Variants in MYT1L observed in about 807,000 individuals in gnomAD.
The protein encoded by MYT1L is myelin transcription factor 1 like.
In MYT1L, 12 loss-of-function variants were observed where a neutral mutation model predicts 126.7. That is an observed-to-expected ratio of 0.09 (90% CI 0.06 to 0.15). The LOEUF is 0.15. Ranked by LOEUF, MYT1L falls within the 10% of genes least tolerant of loss-of-function variation. MYT1L has a pLI of 1.00. For synonymous variants in MYT1L, 541 were observed against 604.2 expected (o/e 0.90, Z 1.53); for missense variants, 979 against 1,585.2 (o/e 0.62, Z 6.49).
At chr2:1,831,637 A>G (rs940314716) in intron 21 of MYT1L, among the ~76,000 whole-genome samples, 4 of 152,154 alleles carry the variant, frequency 2.6e-5, no homozygotes, top group Non-Finnish European at 4.4e-5. Flanking sequence ...CAATGCCCCA[A>G]ATGAGCCCAG....
chr2:2,208,279 ACT>A (rs761109445), intron 2 of MYT1L, among the ~76,000 whole-genome samples: 79 of 152,062 alleles, frequency 5.2e-4, no homozygotes, highest in Admixed American at 1.3e-4. Context: ...GGCTTGTGAT[ACT>A]CTGTTTTAAA....
At chr2:1,851,519 C>T (rs1189817240) in intron 19 of MYT1L, 122 bp downstream of exon 19, 4 of 899,332 alleles carry the variant, frequency 4.4e-6, no homozygotes, top group Non-Finnish European at 7.2e-6. Context: ...CTAAGAGTCT[C>T]TAGATCCTTA....
At chr2:1,855,563 C>T (rs2043810488) in intron 18 of MYT1L, among the ~76,000 whole-genome samples, 2 of 152,226 alleles carry the variant, frequency 1.3e-5, no homozygotes, top group South Asian at 2.1e-4. Context: ...CCTAGCGCCC[C>T]GCCTGCTTTC....
intron 4 of MYT1L, among the ~76,000 whole-genome samples, chr2:2,014,593 T>C (rs1050177839): frequency 2.6e-5 from 4 of 152,222 alleles, no homozygotes; most frequent in Non-Finnish European, 5.9e-5. Context: ...AGCTCCAGCA[T>C]CTGTGTCTGG....
intron 3 of MYT1L, among the ~76,000 whole-genome samples, chr2:2,112,849 T>C (rs2079638395): frequency 6.6e-6 from 1 of 152,246 alleles, no homozygotes; most frequent in Non-Finnish European, 1.5e-5. Context: ...CTCTGAACCA[T>C]GCAGCCTCCC....
chr2:1,857,213 C>A (rs191116627), intron 18 of MYT1L, among the ~76,000 whole-genome samples: 138 of 152,358 alleles, frequency 9.1e-4, no homozygotes, highest in African/African-American at 2.5e-3. Context: ...CCACCATCAT[C>A]TATCTCCAAA....
intron 3 of MYT1L, among the ~76,000 whole-genome samples, chr2:2,125,765 AAGAGT>A (rs746623518): frequency 3.9e-4 from 60 of 152,356 alleles, no homozygotes; most frequent in African/African-American, 9.6e-4. Context: ...AATGAAAGGA[AAGAGT>A]AGAGAATGAA....
At chr2:2,082,683 T>G (rs1406893916) in intron 3 of MYT1L, among the ~76,000 whole-genome samples, 4 of 152,242 alleles carry the variant, frequency 2.6e-5, no homozygotes, top group Admixed American at 1.3e-4. Context: ...TTTATCATAA[T>G]GCTGTTCACA....
At chr2:1,845,313 G>A (rs745499418) in intron 19 of MYT1L, among the ~76,000 whole-genome samples, 3 of 152,040 alleles carry the variant, frequency 2.0e-5, no homozygotes, top group Non-Finnish European at 4.4e-5. Flanking sequence ...TTTTCTTTTC[G>A]TGAATGAGTT....
chr2:1,964,244 C>T (rs540690071), intron 8 of MYT1L, among the ~76,000 whole-genome samples: 1 of 152,312 alleles, frequency 6.6e-6, no homozygotes, highest in South Asian at 2.1e-4. Flanking sequence ...CTGTCTTACA[C>T]GGGCGCGGTT....
At chr2:2,115,283 G>A (rs75762664) in intron 3 of MYT1L, among the ~76,000 whole-genome samples, 2,301 of 152,346 alleles carry the variant, frequency 0.015, 52 homozygotes, top group African/African-American at 0.052. Flanking sequence ...CAAGGCCAGT[G>A]TTTTTACCAG....
chr2:2,042,864 C>A, intron 4 of MYT1L, among the ~76,000 whole-genome samples: 1 of 152,184 alleles, frequency 6.6e-6, no homozygotes. Context: ...CCTCCCAGGC[C>A]CATGTTCTCT....
intron 2 of MYT1L, among the ~76,000 whole-genome samples, chr2:2,193,979 A>G (rs1040798043): frequency 6.6e-6 from 1 of 152,072 alleles, no homozygotes; most frequent in African/African-American, 2.4e-5. Context: ...TGTTCTCTAA[A>G]TCATTATAGT....
chr2:2,213,061 G>A (rs150120664), intron 2 of MYT1L, among the ~76,000 whole-genome samples: 3 of 152,198 alleles, frequency 2.0e-5, no homozygotes, highest in African/African-American at 4.8e-5. Context: ...AGGAACTAAC[G>A]AAAATAGGAC....
At chr2:2,231,226 T>C (rs1463349796) in intron 2 of MYT1L, among the ~76,000 whole-genome samples, 1 of 152,156 alleles carries the variant, frequency 6.6e-6, no homozygotes, top group Non-Finnish European at 1.5e-5. Flanking sequence ...TAAGCCCCAC[T>C]GTAGGATGAC....
intron 14 of MYT1L, among the ~76,000 whole-genome samples, chr2:1,898,992 A>T (rs2049985179): frequency 6.6e-6 from 1 of 152,208 alleles, no homozygotes; most frequent in Non-Finnish European, 1.5e-5. Flanking sequence ...CCAAGATGAT[A>T]GGAAGGTCTG....
At chr2:1,950,449 C>G (rs1348092361) in intron 8 of MYT1L, among the ~76,000 whole-genome samples, 1 of 152,110 alleles carries the variant, frequency 6.6e-6, no homozygotes, top group Non-Finnish European at 1.5e-5. Flanking sequence ...CACCGAGACA[C>G]AGTTACCCTG....
intron 4 of MYT1L, among the ~76,000 whole-genome samples, chr2:2,004,124 T>G (rs1255184991): frequency 6.6e-6 from 1 of 151,078 alleles, no homozygotes; most frequent in Non-Finnish European, 1.5e-5. Context: ...CCTTCCTTCC[T>G]GTGTGCCTTC....
intron 18 of MYT1L, among the ~76,000 whole-genome samples, chr2:1,863,758 GA>G (rs1285598713): frequency 6.8e-6 from 1 of 148,146 alleles, no homozygotes; most frequent in Non-Finnish European, 1.5e-5. Context: ...GGCATTTGGG[GA>G]TATTTGGGGG....
Sources: gnomAD v4.1 joint callset for allele counts (sites outside exome capture counted in the v4.1 genomes callset) on GRCh38, gnomAD v4.1.1 for gene constraint, MANE v1.5 for transcripts, NCBI Gene and HGNC (gene_info 2026-07-23, HGNC 2026-07-21) for gene names.